Variants in UBQLN4 observed in about 807,000 individuals in gnomAD.
UBQLN4 encodes ubiquilin-4.
A neutral mutation model predicts 60.4 loss-of-function variants in UBQLN4; 11 were observed. The ratio of observed to expected loss-of-function variants is 0.18; its 90% confidence interval spans 0.11 to 0.30. The LOEUF (loss-of-function observed/expected upper bound fraction) is 0.30, where lower values mean the gene tolerates loss of function less well. UBQLN4 is among the 10% of genes least tolerant of loss of function. UBQLN4 has a pLI of 1.00. For missense variants in UBQLN4, 417 were observed against 795.5 expected (o/e 0.52, Z 5.72); for synonymous variants, 258 against 313.1 (o/e 0.82, Z 1.86).
chr1:156,034,825 C>CCATATATATA, downstream of UBQLN4, among the ~76,000 whole-genome samples: 1 of 46,384 alleles, frequency 2.2e-5, no homozygotes. Flanking sequence ...CCTTAACCTT[C>CCATATATATA]TATATATATA....
At chr1:156,047,886 C>A (rs111771287) in intron 5 of UBQLN4, among the ~76,000 whole-genome samples, 1 of 113,852 alleles carries the variant, frequency 8.8e-6, no homozygotes, top group Non-Finnish European at 1.7e-5. Flanking sequence ...AGCGAGACTC[C>A]ATCTCAAAAA....
chr1:156,040,177 T>C (rs551545195), intron 10 of UBQLN4, among the ~76,000 whole-genome samples: 3 of 151,506 alleles, frequency 2.0e-5, no homozygotes, highest in East Asian at 2.0e-4. Flanking sequence ...GCAGATCACC[T>C]AAGGTCAGGA....
intron 5 of UBQLN4, among the ~76,000 whole-genome samples, chr1:156,047,466 A>G (rs1683736364): frequency 6.6e-6 from 1 of 151,014 alleles, no homozygotes; most frequent in Non-Finnish European, 1.5e-5. Context: ...GATGGTCTCG[A>G]TCTCCTGACC....
rs1003150235 is a variant in UBQLN4 at position 156,048,988 on chromosome 1, C to G, written c.742-329G>C. Among the ~76,000 whole-genome samples the G allele has an allele frequency of 6.6e-6, 1 of 152,140 alleles. No homozygotes were observed. On this transcript the variant is annotated intron_variant, in intron 4 of 10. Transcript: ENST00000368309. The surrounding 1 kb of genome is among the most constrained non-coding windows in gnomAD (Gnocchi z 4.9). Reference sequence around the variant, plus strand: ...CAAGGAAACTGAGTCAGAAGAGACACAGAAAGAAAGGGGAGGAGGCAGAAG... The same window carrying G: ...CAAGGAAACTGAGTCAGAAGAGACAGAGAAAGAAAGGGGAGGAGGCAGAAG...
chr1:156,040,020 T>G (rs1406768426), intron 10 of UBQLN4, among the ~76,000 whole-genome samples: 1 of 147,308 alleles, frequency 6.8e-6, no homozygotes, highest in Non-Finnish European at 1.5e-5. Flanking sequence ...AAAGGAACAA[T>G]GTTCGATCCA....
Position 156,041,424 on chromosome 1 carries a change from C to T in UBQLN4, c.1653+61G>A, listed in dbSNP as rs1268723732. 24 of 1,469,164 alleles carry T rather than the reference C, an allele frequency of 1.6e-5. No individual in the cohort carries two copies. In the Middle Eastern group the frequency reaches 7.8e-4, roughly 48 times the overall value. The allele number at this position is 1,469,164 out of a possible 1,614,324, so 91.0% of individuals were successfully genotyped here. ...CCTACTGCCTCTATTCTATTGCTTC[C>T]CTTGAAACCTCCCAGGATCAAAGTG... On this transcript the variant is annotated intron_variant, in intron 10 of 10. Transcript: ENST00000368309.
At chr1:156,049,373 A>C (rs924832537) in intron 4 of UBQLN4, among the ~76,000 whole-genome samples, 3 of 152,222 alleles carry the variant, frequency 2.0e-5, no homozygotes, top group African/African-American at 7.2e-5. Flanking sequence ...GAAACACTGA[A>C]GATGGGGGCT....
chr1:156,046,138 G>T (rs567742033), intron 5 of UBQLN4, among the ~76,000 whole-genome samples: 1 of 151,740 alleles, frequency 6.6e-6, no homozygotes. Flanking sequence ...GCGCCACTAC[G>T]CTCCACCAAC....
At chr1:156,034,825 C>CTATATATATATATA (rs34720108), downstream of UBQLN4, among the ~76,000 whole-genome samples, 99 of 46,350 alleles carry the variant, frequency 2.1e-3, 2 homozygotes, top group Non-Finnish European at 3.0e-3. Context: ...CCTTAACCTT[C>CTATATATATATATA]TATATATATA....
intron 2 of UBQLN4, among the ~76,000 whole-genome samples, 157 bp from the exon 3 acceptor site, chr1:156,051,484 G>A (rs763651779): frequency 2.0e-5 from 3 of 152,188 alleles, no homozygotes; most frequent in Non-Finnish European, 4.4e-5. Flanking sequence ...AGGGCAGTCA[G>A]TAAACCAGCA....
At position 156,041,612 on chromosome 1, in the gene UBQLN4, G is replaced by A. The variant is rs764832350; in HGVS notation, c.1526C>T (p.Ser509Phe). The A allele has an allele frequency of 1.2e-6, 2 of 1,609,080 alleles. No individual in the cohort carries two copies. The highest frequency in any genetic ancestry group is 2.2e-5 in the South Asian group (2 of 90,300). The change falls in exon 10 of 11, where the codon TCT becomes TTT. Residue 509 changes from serine (S) to phenylalanine (F), a missense_variant. Ser to Phe is a radical substitution (Grantham distance 155, BLOSUM62 -2). Coordinates refer to ENST00000368309, the MANE Select transcript of UBQLN4 (RefSeq NM_020131.5). ...PAPSAGSNAG[S>F]TPEAPTSSPA... is the part of the protein sequence containing the mutation. ...TGAGGAAGTGGGGGCCTCGGGCGTA[G>A]ACCCTGCGTTGCTGCCTGCTGAGGG...
chr1:156,031,919 C>CAT (rs143346627), downstream of UBQLN4, among the ~76,000 whole-genome samples: 591 of 151,262 alleles, frequency 3.9e-3, 2 homozygotes, highest in Middle Eastern at 0.01. Context: ...TAAGTTTTGA[C>CAT]ATATATATAT....
chr1:156,051,385 G>T (rs768944419), intron 2 of UBQLN4, 58 bp from the exon 3 acceptor site: 100 of 1,528,910 alleles, frequency 6.5e-5, no homozygotes, highest in Admixed American at 2.4e-4. Context: ...GGAAGGTACC[G>T]TGACAATCTC....
Position 156,048,678 on chromosome 1 carries a change from C to T in UBQLN4, c.742-19G>A, listed in dbSNP as rs377421089. The T allele has an allele frequency of 1.2e-5, 20 of 1,605,294 alleles. No homozygotes were observed. Among genetic ancestry groups the T allele is most frequent in the South Asian group, 9.9e-5 (9 of 90,886 alleles). ...CCATTGTCTGATCAAGGGAGAGAGA[C>T]AAAATGGGCCCCGGAACCAGGGGAG... On this transcript the variant is annotated intron_variant, in intron 4 of 10. Transcript: ENST00000368309. This position sits in a 1 kb window ranked among gnomAD's most constrained non-coding sequence, Gnocchi z 4.9.
Position 156,041,980 on chromosome 1 carries a change from T to C in UBQLN4, c.1358A>G (p.Asn453Ser). 1 of 1,614,000 alleles carries C rather than the reference T, an allele frequency of 6.2e-7. No homozygotes were observed. The highest frequency in any genetic ancestry group is 1.7e-5 in the Admixed American group (1 of 59,996). The part of the protein sequence containing the change: ...QLPVFLQQMQ[N>S]PESLSILTNP... ...GGTAAGGATGGAGAGTGACTCTGGG[T>C]TCTGCATCTGGTGGGAAATAAGCAG... Residue 453 changes from asparagine (N) to serine (S), a missense_variant, in exon 9 of 11, where the codon AAC becomes AGC. Physicochemically the swap from Asn to Ser is conservative, Grantham distance 46 (BLOSUM62 1). Coordinates refer to ENST00000368309, the MANE Select transcript of UBQLN4 (RefSeq NM_020131.5).
intron 10 of UBQLN4, among the ~76,000 whole-genome samples, chr1:156,037,553 G>A (rs936626963): frequency 2.0e-5 from 3 of 152,156 alleles, no homozygotes; most frequent in East Asian, 1.9e-4. Flanking sequence ...GCGAGATCGC[G>A]CCACTGCACT....
downstream of UBQLN4, among the ~76,000 whole-genome samples, chr1:156,034,826 T>C (rs1261233836): frequency 2.0e-4 from 1 of 4,892 alleles, no homozygotes; most frequent in South Asian, 0.011. Context: ...CTTAACCTTC[T>C]ATATATATAT....
chr1:156,040,557 T>C (rs1683536908), intron 10 of UBQLN4, among the ~76,000 whole-genome samples: 1 of 148,358 alleles, frequency 6.7e-6, no homozygotes, highest in Non-Finnish European at 1.5e-5. Context: ...CCCATTCTCC[T>C]GCGTCAGCCT....
At chr1:156,046,819 G>A (rs906495170) in intron 5 of UBQLN4, among the ~76,000 whole-genome samples, 1 of 152,186 alleles carries the variant, frequency 6.6e-6, no homozygotes, top group East Asian at 1.9e-4. Context: ...TCCAGCCTGG[G>A]CGAAACAGTG....
Sources: gnomAD v4.1 joint callset for allele counts (sites outside exome capture counted in the v4.1 genomes callset) on GRCh38, gnomAD v4.1.1 for gene constraint, Gnocchi (gnomAD v3.1) non-coding constraint, MANE v1.5 for transcripts, NCBI Gene and HGNC (gene_info 2026-07-23, HGNC 2026-07-21) for gene names.